The following OPCML variants were observed in gnomAD, a reference collection of about 807,000 sequenced individuals.
OPCML encodes the protein opioid binding protein/cell adhesion molecule like.
Under a neutral mutation model 37.8 loss-of-function variants are expected in OPCML, and 13 were observed. The observed-to-expected ratio is 0.34, with a 90% CI of 0.22 to 0.55. The LOEUF (loss-of-function observed/expected upper bound fraction) is 0.55, where lower values mean the gene tolerates loss of function less well. OPCML is among the 20% of genes least tolerant of loss of function. The pLI is 0.91. For missense variants in OPCML, 341 were observed against 435.6 expected (o/e 0.78, Z 1.93); for synonymous variants, 176 against 168.8 (o/e 1.04, Z -0.33).
chr11:132,830,833 T>C (rs1215577539), intron 2 of OPCML, among the ~76,000 whole-genome samples: 1 of 152,220 alleles, frequency 6.6e-6, no homozygotes, highest in Non-Finnish European at 1.5e-5. Flanking sequence ...GGAAATATGT[T>C]TTAATATAAA....
chr11:132,849,851 G>A (rs899418161), intron 2 of OPCML, among the ~76,000 whole-genome samples: 14 of 152,206 alleles, frequency 9.2e-5, no homozygotes, highest in Non-Finnish European at 1.8e-4. Flanking sequence ...CAGGCATTGT[G>A]CCAGTCCTCA....
chr11:132,573,823 G>A (rs898496595), intron 3 of OPCML, among the ~76,000 whole-genome samples: 1 of 151,860 alleles, frequency 6.6e-6, no homozygotes, highest in Non-Finnish European at 1.5e-5. Context: ...TTATTTCCAT[G>A]TTTGGTAGAA....
chr11:133,197,662 G>A (rs572220201), intron 1 of OPCML, among the ~76,000 whole-genome samples: 3 of 152,318 alleles, frequency 2.0e-5, no homozygotes, highest in South Asian at 2.1e-4. Context: ...TGGTGTTTAT[G>A]CCAATGAATT....
rs1297198954 is a variant in OPCML at position 132,469,547 on chromosome 11, GTGTGTGTGTGTATC to G, written c.506-32202_506-32189del. 3.4e-5 allele frequency among the ~76,000 whole-genome samples: 5 copies of G among 147,920 alleles called. No homozygotes were observed. In the East Asian group the frequency reaches 6.2e-4, roughly 18 times the overall value. On this transcript the variant is annotated intron_variant, in intron 4 of 7. Coordinates refer to ENST00000524381, the MANE Select transcript of OPCML (RefSeq NM_001012393.5). ...GTGTGTGTGTATGTATGTGTGTGGGGTGTGTGTGTGTATCTGTGTGTGTGTATATGTGTATGGAT... is the reference window on the plus strand; with the variant it reads ...GTGTGTGTGTATGTATGTGTGTGGGGTGTGTGTGTGTATATGTGTATGGAT...
intron 1 of OPCML, among the ~76,000 whole-genome samples, chr11:133,165,624 T>C (rs75463004): frequency 0.022 from 3,401 of 152,282 alleles, 131 homozygotes; most frequent in African/African-American, 0.077. Flanking sequence ...ATTAACATAA[T>C]GGTCTTTTCC....
At chr11:132,466,145 C>CAGGGAGGCTCCATGGG (rs2096118774) in intron 4 of OPCML, among the ~76,000 whole-genome samples, 1 of 152,106 alleles carries the variant, frequency 6.6e-6, no homozygotes, top group Admixed American at 6.5e-5. Flanking sequence ...GACAATGGCA[C>CAGGGAGGCTCCATGGG]AGGGAGGCTC....
At chr11:132,873,981 GC>G (rs1942914261) in intron 2 of OPCML, among the ~76,000 whole-genome samples, 1 of 152,102 alleles carries the variant, frequency 6.6e-6, no homozygotes, top group South Asian at 2.1e-4. Flanking sequence ...AAAATCAGTA[GC>G]TGAAGAAATA....
intron 1 of OPCML, among the ~76,000 whole-genome samples, chr11:133,106,931 C>A (rs1284145344): frequency 1.3e-5 from 2 of 152,150 alleles, no homozygotes; most frequent in Admixed American, 6.5e-5. Flanking sequence ...CAGAGACAGG[C>A]CCTTTGTTAA....
At chr11:133,178,301 T>C (rs1232778006) in intron 1 of OPCML, among the ~76,000 whole-genome samples, 1 of 152,070 alleles carries the variant, frequency 6.6e-6, no homozygotes, top group Non-Finnish European at 1.5e-5. Flanking sequence ...TGTGTGTGCG[T>C]TCCTCAGATA....
At chr11:133,034,751 CT>C (rs5795815) in intron 1 of OPCML, among the ~76,000 whole-genome samples, 16,112 of 141,448 alleles carry the variant, frequency 0.11, 833 homozygotes, top group South Asian at 0.15. Flanking sequence ...GTTTTTTTTC[CT>C]TTTTTTTTTT....
chr11:132,430,000 G>T (rs974744702), intron 7 of OPCML, among the ~76,000 whole-genome samples: 7 of 152,160 alleles, frequency 4.6e-5, no homozygotes, highest in African/African-American at 1.7e-4. Flanking sequence ...CAGAAGTGGG[G>T]CATTGTGGGG....
chr11:133,417,699 T>G (rs964918395), intron 1 of OPCML, among the ~76,000 whole-genome samples: 1 of 151,342 alleles, frequency 6.6e-6, no homozygotes, highest in African/African-American at 2.4e-5. Flanking sequence ...GTGTTCTCAT[T>G]GTTCAATTCC....
At chr11:133,376,732 A>G (rs562888522) in intron 1 of OPCML, among the ~76,000 whole-genome samples, 1 of 152,240 alleles carries the variant, frequency 6.6e-6, no homozygotes, top group East Asian at 1.9e-4. Context: ...AAACAGAGTA[A>G]TTTGGGAATA....
chr11:132,688,145 G>A (rs1943243269), intron 2 of OPCML, among the ~76,000 whole-genome samples: 1 of 151,560 alleles, frequency 6.6e-6, no homozygotes, highest in East Asian at 1.9e-4. Context: ...TAATAATTCC[G>A]GCTTTTCTGT....
chr11:132,785,896 A>G (rs1288935657), intron 2 of OPCML, among the ~76,000 whole-genome samples: 1 of 152,232 alleles, frequency 6.6e-6, no homozygotes, highest in East Asian at 1.9e-4. Context: ...ATCAGTTGAC[A>G]TTTTTTAAAA....
intron 1 of OPCML, among the ~76,000 whole-genome samples, chr11:133,373,424 A>AAAATATATAT (rs376543665): frequency 4.2e-5 from 5 of 117,756 alleles, no homozygotes; most frequent in African/African-American, 1.7e-4. Context: ...ACTTAATTAA[A>AAAATATATAT]ATATATATAT....
intron 1 of OPCML, among the ~76,000 whole-genome samples, chr11:133,080,154 C>T (rs1251527823): frequency 6.6e-6 from 1 of 152,154 alleles, no homozygotes; most frequent in Non-Finnish European, 1.5e-5. Flanking sequence ...AGAGCTACAG[C>T]AACCCAGCCA....
At chr11:132,575,837 G>A (rs766418638) in intron 3 of OPCML, among the ~76,000 whole-genome samples, 15 of 152,044 alleles carry the variant, frequency 9.9e-5, no homozygotes, top group African/African-American at 2.9e-4. Flanking sequence ...TAGTGGTGAC[G>A]AATACACTGC....
chr11:132,476,843 T>TA (rs2096157957), intron 4 of OPCML, among the ~76,000 whole-genome samples: 2 of 151,860 alleles, frequency 1.3e-5, no homozygotes, highest in South Asian at 2.1e-4. Context: ...AGTATAATAA[T>TA]AAAAAAATTA....
Sources: gnomAD v4.1 joint callset for allele counts (sites outside exome capture counted in the v4.1 genomes callset) on GRCh38, gnomAD v4.1.1 for gene constraint, MANE v1.5 for transcripts, NCBI Gene and HGNC (gene_info 2026-07-23, HGNC 2026-07-21) for gene names.